The following GALNT13 variants were observed in gnomAD, a reference collection of about 807,000 sequenced individuals.
GALNT13 encodes the protein polypeptide N-acetylgalactosaminyltransferase 13.
Under a neutral mutation model 64.2 loss-of-function variants are expected in GALNT13, and 28 were observed. That is an observed-to-expected ratio of 0.44 (90% CI 0.32 to 0.60). The LOEUF (loss-of-function observed/expected upper bound fraction) is 0.60, where lower values mean the gene tolerates loss of function less well. Among genes scored for constraint, GALNT13 ranks in the 20% least tolerant of loss-of-function variants. GALNT13 has a pLI of 0.05. For synonymous variants in GALNT13, 214 were observed against 224.6 expected (o/e 0.95, Z 0.42); for missense variants, 577 against 669.8 (o/e 0.86, Z 1.53).
the GALNT13 span, among the ~76,000 whole-genome samples, chr2:153,689,070 A>ATGTATG: frequency 2.3e-5 from 3 of 127,744 alleles, no homozygotes; most frequent in African/African-American, 9.5e-5. Flanking sequence ...CCGCGTGTGT[A>ATGTATG]TGTGTGTGTG....
chr2:154,352,288 A>G (rs1021822578), intron 9 of GALNT13, among the ~76,000 whole-genome samples: 10 of 152,342 alleles, frequency 6.6e-5, no homozygotes, highest in Admixed American at 6.5e-4. Flanking sequence ...GGCCTCCCAT[A>G]GCTCTGCACT....
chr2:153,933,800 C>T (rs1690704368), intron 2 of GALNT13, among the ~76,000 whole-genome samples: 1 of 152,126 alleles, frequency 6.6e-6, no homozygotes, highest in South Asian at 2.1e-4. Flanking sequence ...TCTGTGATAA[C>T]AAATTCCATT....
At chr2:153,960,295 A>G (rs1692855526) in intron 3 of GALNT13, among the ~76,000 whole-genome samples, 1 of 152,142 alleles carries the variant, frequency 6.6e-6, no homozygotes, top group South Asian at 2.1e-4. Context: ...TCTTTGCCCC[A>G]TGTTGGGTGC....
chr2:154,356,615 C>A (rs1696764983), intron 9 of GALNT13, among the ~76,000 whole-genome samples: 1 of 151,870 alleles, frequency 6.6e-6, no homozygotes. Context: ...TAAATAACTA[C>A]CTTTCCTCAA....
chr2:153,892,803 A>T (rs550829085), intron 1 of GALNT13, among the ~76,000 whole-genome samples: 1 of 151,876 alleles, frequency 6.6e-6, no homozygotes, highest in Admixed American at 6.6e-5. Context: ...CTCTGTCTTC[A>T]TTTTAAATAT....
At chr2:153,863,209 T>C in the GALNT13 span, among the ~76,000 whole-genome samples, 1 of 152,162 alleles carries the variant, frequency 6.6e-6, no homozygotes, top group African/African-American at 2.4e-5. Context: ...ATATAAATAA[T>C]TACTTTGAAT....
At position 154,419,255 on chromosome 2, in the gene GALNT13, C is replaced by T. The variant is rs1413616114; in HGVS notation, c.1395+10173C>T. 7.2e-5 allele frequency among the ~76,000 whole-genome samples: 11 copies of T among 151,998 alleles called. No homozygotes were observed. The South Asian group carries it at 1.0e-3, about 14-fold the overall frequency. On this transcript the variant is annotated intron_variant, in intron 11 of 12. Coordinates refer to ENST00000392825, the MANE Select transcript of GALNT13 (RefSeq NM_052917.4). ...GTAGGAACTTGTGATCTGATCCTGC[C>T]GAGTGTTGCCTGGCCACAGTGTTTT...
chr2:154,163,144 C>T (rs1384825059), intron 4 of GALNT13, among the ~76,000 whole-genome samples: 6 of 111,304 alleles, frequency 5.4e-5, no homozygotes, highest in Admixed American at 1.1e-4. Flanking sequence ...CCCCCCACCC[C>T]ACAACAGGCC....
the GALNT13 span, among the ~76,000 whole-genome samples, chr2:153,555,969 C>A: frequency 3.3e-5 from 5 of 152,186 alleles, no homozygotes; most frequent in Non-Finnish European, 7.4e-5. Context: ...TATGAAAGGA[C>A]AAATGCCACT....
At chr2:154,294,843 C>T (rs1057120352) in intron 8 of GALNT13, among the ~76,000 whole-genome samples, 6 of 152,122 alleles carry the variant, frequency 3.9e-5, no homozygotes, top group African/African-American at 1.4e-4. Context: ...GGGCAGAACC[C>T]CTGTGAAACT....
At chr2:153,442,079 G>A in the GALNT13 span, among the ~76,000 whole-genome samples, 752 of 152,234 alleles carry the variant, frequency 4.9e-3, 7 homozygotes, top group African/African-American at 0.017. Context: ...TATTGGCTGT[G>A]GGTTTGTCAT....
chr2:154,145,092 CTATCTATCTA>C (rs1267253242), intron 4 of GALNT13, among the ~76,000 whole-genome samples: 66 of 127,782 alleles, frequency 5.2e-4, no homozygotes, highest in African/African-American at 8.9e-4. Context: ...ATCTATCTAT[CTATCTATCTA>C]TATATATATA....
chr2:153,626,451 A>G, the GALNT13 span, among the ~76,000 whole-genome samples: 1 of 152,090 alleles, frequency 6.6e-6, no homozygotes, highest in Non-Finnish European at 1.5e-5. Flanking sequence ...AATTTTCTGT[A>G]AGGATTTACT....
chr2:153,986,105 G>A (rs1209991235), intron 3 of GALNT13, among the ~76,000 whole-genome samples: 4 of 151,966 alleles, frequency 2.6e-5, no homozygotes, highest in African/African-American at 9.7e-5. Flanking sequence ...GCAGTAAAAA[G>A]ACTGTAACTC....
At chr2:153,606,873 T>C in the GALNT13 span, among the ~76,000 whole-genome samples, 8 of 151,926 alleles carry the variant, frequency 5.3e-5, no homozygotes, top group Non-Finnish European at 1.0e-4. Flanking sequence ...AGGTTTTTTT[T>C]TTTTTTTTTC....
intron 4 of GALNT13, among the ~76,000 whole-genome samples, chr2:154,206,132 G>C (rs1424641037): frequency 8.6e-5 from 13 of 151,744 alleles, no homozygotes; most frequent in African/African-American, 2.9e-4. Context: ...TAAGTAGCTG[G>C]GATTACAGGC....
At chr2:153,301,076 G>A in the GALNT13 span, among the ~76,000 whole-genome samples, 1 of 151,862 alleles carries the variant, frequency 6.6e-6, no homozygotes, top group African/African-American at 2.4e-5. Context: ...ATGTGTGGTG[G>A]TGCATGCCAC....
chr2:153,151,027 G>A, the GALNT13 span, among the ~76,000 whole-genome samples: 1 of 151,896 alleles, frequency 6.6e-6, no homozygotes, highest in Admixed American at 6.6e-5. Flanking sequence ...AGCTTGATGG[G>A]GATGGCATTG....
At chr2:154,079,572 A>C (rs1038198937) in intron 3 of GALNT13, among the ~76,000 whole-genome samples, 3 of 151,520 alleles carry the variant, frequency 2.0e-5, no homozygotes, top group Non-Finnish European at 4.4e-5. Flanking sequence ...TTGCACCTCA[A>C]ATTTTATATG....
Sources: allele counts gnomAD v4.1 joint callset (sites outside exome capture counted in the v4.1 genomes callset), GRCh38; gene constraint gnomAD v4.1.1; transcripts MANE v1.5; gene names NCBI Gene and HGNC (gene_info 2026-07-23, HGNC 2026-07-21).